ZNF585B: variants seen among roughly 807,000 people sequenced by gnomAD.
ZNF585B encodes zinc finger protein 41-like protein.
A neutral mutation model predicts 14.0 loss-of-function variants in ZNF585B; 7 were observed. The ratio of observed to expected loss-of-function variants is 0.50; its 90% CI spans 0.28 to 0.94. The LOEUF is 0.94. Among genes scored for constraint, ZNF585B ranks in the 40% least tolerant of loss-of-function variants. The probability of loss-of-function intolerance (pLI) is 0.09; values close to 1 mark genes in which losing one functional copy is unlikely to be tolerated. For synonymous variants in ZNF585B, 290 were observed against 317.3 expected (o/e 0.91, Z 0.91); for missense variants, 750 against 924.4 (o/e 0.81, Z 2.45).
chr19:37,202,832 A>G (rs1305582145), intron 2 of ZNF585B, among the ~76,000 whole-genome samples: 2 of 151,902 alleles, frequency 1.3e-5, no homozygotes, highest in Non-Finnish European at 2.9e-5. Flanking sequence ...TAGTAGAGAC[A>G]GGGTTTTACC....
chr19:37,189,927 A>C, intron 3 of ZNF585B, 97 bp downstream of exon 3: 1 of 1,577,230 alleles, frequency 6.3e-7, no homozygotes, highest in Non-Finnish European at 8.6e-7. Flanking sequence ...AAAGGACAAA[A>C]CCATCACCTA....
At chr19:37,193,430 C>T (rs1972426100) in intron 2 of ZNF585B, among the ~76,000 whole-genome samples, 2 of 150,640 alleles carry the variant, frequency 1.3e-5, no homozygotes, top group Non-Finnish European at 3.0e-5. Context: ...GAGATTGCAC[C>T]ACTGCACTCT....
At chr19:37,206,194 G>A (rs1972585155) in intron 2 of ZNF585B, among the ~76,000 whole-genome samples, 1 of 152,178 alleles carries the variant, frequency 6.6e-6, no homozygotes, top group Non-Finnish European at 1.5e-5. Context: ...GCTCATGCCT[G>A]TAATCCCAGC....
At position 37,186,250 on chromosome 19, in the gene ZNF585B, T is replaced by C; in HGVS notation, c.1287A>G (p.Gln429=). The C allele has an allele frequency of 4.3e-6, 7 of 1,614,204 alleles. No homozygotes were observed. Among genetic ancestry groups the C allele is most frequent in the Non-Finnish European group, 5.1e-6 (6 of 1,180,038 alleles). Residue 429 remains glutamine (Q), a synonymous_variant, in exon 5 of 5, where the codon CAA becomes CAG. Coordinates refer to ENST00000532828, the MANE Select transcript of ZNF585B (RefSeq NM_152279.4). ...FIRKAHLITH[Q]IIHTGEKPYK... ...AAGGTTTCTCTCCAGTATGAATTATTTGATGTGTAATCAAGTGTGCCTTCC... is the reference window on the plus strand; with the variant it reads ...AAGGTTTCTCTCCAGTATGAATTATCTGATGTGTAATCAAGTGTGCCTTCC...
rs1568504992 is a variant in ZNF585B at position 37,184,464 on chromosome 19, GAAA to G, written c.*760_*762del. 1.6e-4 allele frequency: 18 copies of G among 109,516 alleles called. No individual in the cohort carries two copies. The highest frequency in any genetic ancestry group is 2.8e-4 in the Non-Finnish European group (15 of 53,234). 6.8% of individuals were successfully genotyped at this position (109,516 alleles called of 1,614,324 possible). ...AGAAGGAAAGAAAGAAAGAAAGAAA[GAAA>G]GAAAGAAAGAAAGAAAGAAAGAAAG... On this transcript the variant is annotated 3_prime_UTR_variant, in exon 5 of 5. Transcript: ENST00000532828.
Position 37,184,992 on chromosome 19 carries a change from C to G in ZNF585B, c.*235G>C, listed in dbSNP as rs1972315940. On this transcript the variant is annotated 3_prime_UTR_variant, in exon 5 of 5. Coordinates refer to ENST00000532828, the MANE Select transcript of ZNF585B (RefSeq NM_152279.4). ...AGGCTTTTCCTATTCACCAAATTGA[C>G]TCGGTTCCTTGTCAGTATGAATAAT... 2.2e-6 allele frequency: 1 copy of G among 455,764 alleles called. No homozygotes were observed. Among genetic ancestry groups the G allele is most frequent in the South Asian group, 6.0e-5 (1 of 16,726 alleles). The allele number at this position is 455,764 out of a possible 1,614,324, so 28.2% of individuals were successfully genotyped here.
chr19:37,201,950 C>A (rs1231881463), intron 2 of ZNF585B, among the ~76,000 whole-genome samples: 2 of 152,068 alleles, frequency 1.3e-5, no homozygotes, highest in Non-Finnish European at 2.9e-5. Flanking sequence ...GACTGGGCTG[C>A]TGAATGAGAA....
rs771901859 is a variant in ZNF585B at position 37,207,131 on chromosome 19, C to A, written c.-20G>T. On this transcript the variant is annotated 5_prime_UTR_variant, in exon 2 of 5. Transcript: ENST00000532828. ...TGGCATGGCCACACTGGATCTCAAC[C>A]CTTTTTGTCTAGGGTGCCTGAAGTT... The A allele has an allele frequency of 2.9e-5, 47 of 1,613,902 alleles. No individual in the cohort carries two copies. The South Asian group carries it at 5.2e-4, about 18-fold the overall frequency.
intron 2 of ZNF585B, among the ~76,000 whole-genome samples, chr19:37,201,898 G>T (rs1438449574): frequency 6.6e-6 from 1 of 151,982 alleles, no homozygotes; most frequent in Non-Finnish European, 1.5e-5. Flanking sequence ...GTATTTTTTT[G>T]AGGTATTTTA....
chr19:37,185,291 C>A lies in ZNF585B; in HGVS notation c.2246G>T (p.Gly749Val). The change falls in exon 5 of 5, where the codon GGC (glycine) becomes GTC (valine). Residue 749 changes from glycine (G) to valine (V), a missense_variant. Coordinates refer to ENST00000532828, the MANE Select transcript of ZNF585B (RefSeq NM_152279.4). Reference protein sequence around the residue: ...THTGDKPYKCGICGKGFVQKS... With the variant: ...THTGDKPYKCVICGKGFVQKS... ...CTGAACGAAGCCTTTCCCACAGATG[C>A]CACACTTGTAGGGTTTGTCTCCAGT... The A allele has an allele frequency of 8.1e-6, 13 of 1,614,130 alleles. No individual in the cohort carries two copies. Among genetic ancestry groups the A allele is most frequent in the Non-Finnish European group, 1.1e-5 (13 of 1,180,002 alleles).
In ZNF585B at chr19:37,186,704, G is replaced by T; in HGVS notation, c.833C>A (p.Ala278Asp). ...AATCAATTGTGTTTTCTGGATGAAG[G>T]CCTGCCCGCATTCAATACAGATGTA... ...RSYICIECGQ[A>D]FIQKTQLIAH... is the part of the protein sequence containing the mutation. The change falls in exon 5 of 5, where the codon GCC becomes GAC. Residue 278 changes from alanine to aspartate, a missense_variant. Transcript: ENST00000532828. The T allele has an allele frequency of 6.2e-7, 1 of 1,614,136 alleles. No individual in the cohort carries two copies. The highest frequency in any genetic ancestry group is 8.5e-7 in the Non-Finnish European group (1 of 1,180,026).
chr19:37,186,359 T>A lies in ZNF585B; in HGVS notation c.1178A>T (p.Gln393Leu), dbSNP rs982206410. Residue 393 changes from glutamine to leucine, a missense_variant, in exon 5 of 5, where the codon CAG becomes CTG. By Grantham distance (113) the Gln-to-Leu change is moderately radical. Transcript: ENST00000532828. The part of the protein sequence containing the change: ...ECSDCGRAFT[Q>L]KSALTVHQRI... ...CTGATGCACTGTGAGTGCTGACTTC[T>A]GAGTGAAGGCTCTCCCACAGTCACT... The A allele has an allele frequency of 6.2e-7, 1 of 1,614,168 alleles. No individual in the cohort carries two copies. Among genetic ancestry groups the A allele is most frequent in the African/African-American group, 1.3e-5 (1 of 75,042 alleles).
chr19:37,186,841 A>G lies in ZNF585B; in HGVS notation c.696T>C (p.His232=). 6.2e-7 allele frequency: 1 copy of G among 1,613,482 alleles called. No individual in the cohort carries two copies. Among genetic ancestry groups the G allele is most frequent in the East Asian group, 2.2e-5 (1 of 44,862 alleles). The part of the protein sequence containing the change: ...GFPYNSDLSI[H]EKIHTGERHH... Reference sequence around the variant, plus strand: ...GTCTCTCTCCAGTATGAATTTTCTCATGTATACTGAGATCTGAGTTATAAG... The same window carrying G: ...GTCTCTCTCCAGTATGAATTTTCTCGTGTATACTGAGATCTGAGTTATAAG... Residue 232 remains histidine, a synonymous_variant, in exon 5 of 5, where the codon CAT becomes CAC. Coordinates refer to ENST00000532828, the MANE Select transcript of ZNF585B (RefSeq NM_152279.4).
At position 37,199,538 on chromosome 19, in the gene ZNF585B, A is replaced by C; in HGVS notation, c.72+7502T>G. 2 of 445,700 alleles carry C rather than the reference A, an allele frequency of 4.5e-6. 1 individual carries two copies. The highest frequency in any genetic ancestry group is 9.0e-6 in the Non-Finnish European group (2 of 222,896). The allele number at this position is 445,700 out of a possible 1,614,324, so 27.6% of individuals were successfully genotyped here. ...GACCCCGTTTCAAAAAACAATTAAA[A>C]TAACAGTTTGTCCAGGAAGAAACCT... On this transcript the variant is annotated intron_variant, in intron 2 of 4. Coordinates refer to ENST00000532828, the MANE Select transcript of ZNF585B (RefSeq NM_152279.4).
intron 1 of ZNF585B, among the ~76,000 whole-genome samples, chr19:37,208,626 T>C (rs531302031): frequency 1.3e-5 from 2 of 149,856 alleles, no homozygotes; most frequent in Admixed American, 1.3e-4. Context: ...GGAAAAGGTA[T>C]GAAAATTCAG....
rs548656914 is a variant in ZNF585B at position 37,199,055 on chromosome 19, C to A, written c.72+7985G>T. ...TTCTTTGAAAATGGTACCTATATAC[C>A]TGAAAAGAATATACATGTTCTAATT... is the stretch of plus-strand genomic sequence containing the variant. On this transcript the variant is annotated intron_variant, in intron 2 of 4. Transcript: ENST00000532828. 8.4e-4 allele frequency: 1,238 copies of A among 1,473,356 alleles called. 7 individuals carry two copies. Among genetic ancestry groups the A allele is most frequent in the Non-Finnish European group, 9.3e-4 (1,015 of 1,094,284 alleles). 91.3% of individuals were successfully genotyped at this position (1,473,356 alleles called of 1,614,324 possible).
At chr19:37,191,807 G>A (rs1972404506) in intron 2 of ZNF585B, among the ~76,000 whole-genome samples, 1 of 152,096 alleles carries the variant, frequency 6.6e-6, no homozygotes, top group Admixed American at 6.6e-5. Context: ...GCCGAGGTAG[G>A]TGGATCACGA....
intron 2 of ZNF585B, among the ~76,000 whole-genome samples, chr19:37,200,320 G>T (rs1264495465): frequency 6.6e-6 from 1 of 151,818 alleles, no homozygotes; most frequent in Non-Finnish European, 1.5e-5. Flanking sequence ...GGGAGGCTGA[G>T]GTGGGTAGAT....
At chr19:37,207,351 G>A (rs997963671) in intron 1 of ZNF585B, 97 bp from the exon 2 acceptor site, 26 of 939,588 alleles carry the variant, frequency 2.8e-5, no homozygotes, top group Non-Finnish European at 3.3e-5. Context: ...AACCAGAGCA[G>A]TGGTTCCCAA....
Sources: gnomAD v4.1 joint callset for allele counts (sites outside exome capture counted in the v4.1 genomes callset) on GRCh38, gnomAD v4.1.1 for gene constraint, MANE v1.5 for transcripts, NCBI Gene and HGNC (gene_info 2026-07-23, HGNC 2026-07-21) for gene names.